The following OTOGL variants were observed in gnomAD, a reference collection of about 807,000 sequenced individuals.
OTOGL encodes otogelin-like protein.
OTOGL carries 285 observed loss-of-function variants against 318.5 expected under a neutral mutation model. The ratio of observed to expected loss-of-function variants is 0.89; its 90% CI spans 0.81 to 0.99. The LOEUF is 0.99. Ranked by LOEUF, OTOGL falls within the 50% of genes least tolerant of loss-of-function variation. The probability of loss-of-function intolerance (pLI) is 0.00; values close to 1 mark genes in which losing one functional copy is unlikely to be tolerated. For synonymous variants in OTOGL, 987 were observed against 936.5 expected, an observed-to-expected ratio of 1.05 and a Z score of -0.99; for missense variants, 2,899 against 2,845.6, an observed-to-expected ratio of 1.02 and a Z score of -0.43.
At chr12:80,237,095 G>C (rs1327387550) in intron 9 of OTOGL, among the ~76,000 whole-genome samples, 1 of 152,014 alleles carries the variant, frequency 6.6e-6, no homozygotes, top group East Asian at 1.9e-4. Flanking sequence ...GATTACAGGC[G>C]TGAGTCACCG....
chr12:80,121,677 C>T (rs753847132), intron 1 of OTOGL, among the ~76,000 whole-genome samples: 7 of 152,164 alleles, frequency 4.6e-5, no homozygotes, highest in South Asian at 2.1e-4. Flanking sequence ...CACTTCTCTT[C>T]GTATCATGTA....
intron 1 of OTOGL, among the ~76,000 whole-genome samples, chr12:80,144,564 T>C (rs1370486010): frequency 6.6e-6 from 1 of 151,438 alleles, no homozygotes; most frequent in Non-Finnish European, 1.5e-5. Flanking sequence ...CCTTTGGGTA[T>C]ATATCCAGTA....
chr12:80,196,621 A>C (rs561348831), intron 1 of OTOGL, among the ~76,000 whole-genome samples: 5 of 152,162 alleles, frequency 3.3e-5, no homozygotes. Context: ...CCCCGGAGGC[A>C]TGTTGGTCTC....
chr12:80,284,338 T>C (rs1303907115), intron 26 of OTOGL, among the ~76,000 whole-genome samples: 1 of 152,150 alleles, frequency 6.6e-6, no homozygotes, highest in African/African-American at 2.4e-5. Flanking sequence ...GCAATAAACA[T>C]ACGTGTGCAT....
chr12:80,355,930 T>C lies in OTOGL; in HGVS notation c.5788T>C (p.Cys1930Arg). ...GGGCATCATTGATAAATGGACCTGC[T>C]GTTCAAAGGAAGTTTGTGGTATGTA... ...VMGIIDKWTC[C>R]SKEVCGCDTT... The change falls in exon 47 of 59, where the codon TGT (cysteine) becomes CGT (arginine). Residue 1930 changes from cysteine to arginine, a missense_variant. By Grantham distance (180) the Cys-to-Arg change is radical. Around this residue, in one of 3 missense-constraint regions of OTOGL, gnomAD observed 2,607 missense variants for 2,524.9 expected, o/e 1.03. Coordinates refer to ENST00000547103, the MANE Select transcript of OTOGL (RefSeq NM_001378609.3). The C allele has an allele frequency of 6.2e-7, 1 of 1,613,912 alleles. No homozygotes were observed.
intron 1 of OTOGL, among the ~76,000 whole-genome samples, chr12:80,157,190 A>G (rs1208009915): frequency 6.6e-6 from 1 of 152,102 alleles, no homozygotes; most frequent in Admixed American, 6.6e-5. Context: ...CTGATGATCA[A>G]TGATATTGAA....
intron 42 of OTOGL, among the ~76,000 whole-genome samples, chr12:80,337,699 T>G (rs761719175): frequency 2.0e-5 from 3 of 151,936 alleles, no homozygotes; most frequent in Non-Finnish European, 4.4e-5. Flanking sequence ...TGTGTAAAGA[T>G]TTTTTCTTAA....
At chr12:80,275,128 C>T (rs1194428384) in intron 24 of OTOGL, among the ~76,000 whole-genome samples, 2 of 151,858 alleles carry the variant, frequency 1.3e-5, no homozygotes, top group Non-Finnish European at 2.9e-5. Flanking sequence ...AGGGCTATAC[C>T]TGCCATAGAT....
chr12:80,303,249 G>A (rs1159307778), intron 28 of OTOGL, among the ~76,000 whole-genome samples: 1 of 152,026 alleles, frequency 6.6e-6, no homozygotes, highest in Non-Finnish European at 1.5e-5. Context: ...TCCGCCTCCC[G>A]GGTTCACGCC....
chr12:80,307,915 G>A (rs572345905), intron 29 of OTOGL, among the ~76,000 whole-genome samples: 3 of 125,900 alleles, frequency 2.4e-5, no homozygotes, highest in Non-Finnish European at 4.9e-5. Flanking sequence ...CTGGCCGGGC[G>A]GGGGCTGACC....
chr12:80,343,509 G>GGTTTTTTTTTTTTTTTTTTTTTTTTTTT lies in OTOGL; in HGVS notation c.5265+1347_5265+1348insGTTTTTTTTTTTTTTTTTTTTTTTTTTT. 13 of 35,868 alleles carry GGTTTTTTTTTTTTTTTTTTTTTTTTTTT rather than the reference G, an allele frequency of 3.6e-4. 6 individuals are homozygous for GGTTTTTTTTTTTTTTTTTTTTTTTTTTT. The highest frequency in any genetic ancestry group is 5.0e-4 in the Non-Finnish European group (10 of 19,838). The allele number at this position is 35,868 out of a possible 1,614,324, so 2.2% of individuals were successfully genotyped here. Reference sequence around the variant, plus strand: ...TACATTTTTATTATTTTTTATTCTTGTTTTTTTTTTTTTTTTTTTTTTTTT... The same window carrying GGTTTTTTTTTTTTTTTTTTTTTTTTTTT: ...TACATTTTTATTATTTTTTATTCTTGGTTTTTTTTTTTTTTTTTTTTTTTTTTTTTTTTTTTTTTTTTTTTTTTTTTTT... On this transcript the variant is annotated intron_variant, in intron 44 of 58. Transcript: ENST00000547103.
At position 80,267,113 on chromosome 12, in the gene OTOGL, G is replaced by A. The variant is rs12367306; in HGVS notation, c.2391-140G>A. On this transcript the variant is annotated intron_variant, in intron 21 of 58. Coordinates refer to ENST00000547103, the MANE Select transcript of OTOGL (RefSeq NM_001378609.3). Reference sequence around the variant, plus strand: ...AGCAGCTTTTGCCATTTGTGTAATAGGATTGCATGCAGTCTTGTAGAATAA... The same window carrying A: ...AGCAGCTTTTGCCATTTGTGTAATAAGATTGCATGCAGTCTTGTAGAATAA... 9.9e-5 allele frequency: 39 copies of A among 393,570 alleles called. No individual in the cohort carries two copies. In the South Asian group the frequency reaches 2.8e-3, roughly 28 times the overall value. 24.4% of individuals were successfully genotyped at this position (393,570 alleles called of 1,614,324 possible). A position where few individuals can be genotyped will look rare whatever the true frequency, so the allele number is the denominator to read the frequency against.
chr12:80,248,123 G>A (rs1881092621), intron 11 of OTOGL, among the ~76,000 whole-genome samples: 1 of 119,156 alleles, frequency 8.4e-6, no homozygotes, highest in Admixed American at 8.4e-5. Flanking sequence ...TATCCAACTT[G>A]CCAGTCTGTG....
chr12:80,265,297 A>G, intron 20 of OTOGL, 87 bp downstream of exon 20: 1 of 1,260,806 alleles, frequency 7.9e-7, no homozygotes. Flanking sequence ...TTTTAAATGA[A>G]ATGTCAATAT....
At chr12:80,267,120 A>G (rs1287788573) in intron 21 of OTOGL, 133 bp from the exon 22 acceptor site, 3 of 398,538 alleles carry the variant, frequency 7.5e-6, no homozygotes, top group Non-Finnish European at 1.3e-5. Flanking sequence ...ATAGGATTGC[A>G]TGCAGTCTTG....
At chr12:80,345,941 T>C (rs538401101) in intron 44 of OTOGL, among the ~76,000 whole-genome samples, 8 of 152,300 alleles carry the variant, frequency 5.3e-5, no homozygotes, top group African/African-American at 1.7e-4. Flanking sequence ...GTCCATACAA[T>C]AGTGGAAAAT....
At chr12:80,123,693 G>C (rs1870628936) in intron 1 of OTOGL, among the ~76,000 whole-genome samples, 1 of 152,042 alleles carries the variant, frequency 6.6e-6, no homozygotes, top group South Asian at 2.1e-4. Flanking sequence ...ATCCTCTCCA[G>C]CACCTGTTGT....
chr12:80,302,574 G>A, intron 27 of OTOGL, 60 bp from the exon 28 acceptor site: 1 of 1,064,738 alleles, frequency 9.4e-7, no homozygotes, highest in South Asian at 4.0e-5. Flanking sequence ...AAACTAATTT[G>A]ATATATTTTG....
intron 1 of OTOGL, among the ~76,000 whole-genome samples, chr12:80,188,517 G>A (rs1286530987): frequency 2.0e-5 from 3 of 149,010 alleles, no homozygotes; most frequent in Middle Eastern, 3.5e-3. Context: ...CAGCCTGGGC[G>A]ACAGAGTGAG....
Sources: allele counts gnomAD v4.1 joint callset (sites outside exome capture counted in the v4.1 genomes callset), GRCh38; gene constraint gnomAD v4.1.1; regional missense constraint gnomAD v4.1.1; transcripts MANE v1.5; gene names NCBI Gene and HGNC (gene_info 2026-07-23, HGNC 2026-07-21).